Variants in TFCP2L1 observed in about 807,000 individuals in gnomAD.
The protein encoded by TFCP2L1 is transcription factor CP2 like 1.
A neutral mutation model predicts 72.2 loss-of-function variants in TFCP2L1; 12 were observed. That is an observed-to-expected ratio of 0.17 (90% CI 0.11 to 0.27). The LOEUF is 0.27. Ranked by LOEUF, TFCP2L1 falls within the 10% of genes least tolerant of loss-of-function variation. The pLI, the probability that TFCP2L1 is intolerant of heterozygous loss-of-function variation, is 1.00. For synonymous variants in TFCP2L1, 260 were observed against 251.0 expected (o/e 1.04, Z -0.34); for missense variants, 488 against 624.6 (o/e 0.78, Z 2.33).
intron 11 of TFCP2L1, among the ~76,000 whole-genome samples, chr2:121,234,441 C>T (rs1686203749): frequency 6.6e-6 from 1 of 152,260 alleles, no homozygotes; most frequent in African/African-American, 2.4e-5. Flanking sequence ...AGAGCAAACA[C>T]TGTCTGTGGC....
chr2:121,225,836 G>A (rs1023056680), intron 13 of TFCP2L1, among the ~76,000 whole-genome samples: 2 of 147,724 alleles, frequency 1.4e-5, no homozygotes, highest in Non-Finnish European at 3.0e-5. Flanking sequence ...ACGGGAACAC[G>A]GTAAACACCA....
In TFCP2L1 at chr2:121,269,907, T is replaced by TCAAAAAAAAAAA. The variant is rs750107740; in HGVS notation, c.214+11212_214+11213insTTTTTTTTTTTG. ...CTGGGTGACAGAGCAAGACTCCATC[T>TCAAAAAAAAAAA]AAAAAAAAAAAATATATATATATAT... On this transcript the variant is annotated intron_variant, in intron 2 of 14. Transcript: ENST00000263707. Among the ~76,000 whole-genome samples the TCAAAAAAAAAAA allele has an allele frequency of 3.0e-3, 230 of 77,158 alleles. 2 individuals carry two copies. Among genetic ancestry groups the TCAAAAAAAAAAA allele is most frequent in the African/African-American group, 9.5e-3 (139 of 14,596 alleles). 50.6% of individuals were successfully genotyped at this position (77,158 alleles called of 152,430 possible).
At chr2:121,281,000 C>A in intron 2 of TFCP2L1, 120 bp downstream of exon 2, 2 of 1,313,488 alleles carry the variant, frequency 1.5e-6, no homozygotes, top group South Asian at 1.4e-5. Context: ...TTCTCTTTCC[C>A]GAGCCCGACC....
intron 2 of TFCP2L1, among the ~76,000 whole-genome samples, chr2:121,262,923 C>G (rs1379139431): frequency 6.6e-6 from 1 of 151,552 alleles, no homozygotes; most frequent in Admixed American, 6.6e-5. Context: ...TCTCTTTTTT[C>G]TATATTTTGT....
Position 121,239,532 on chromosome 2 carries a change from C to G in TFCP2L1, c.860+26G>C, listed in dbSNP as rs373005053. On this transcript the variant is annotated intron_variant, in intron 8 of 14. Transcript: ENST00000263707. The stretch of plus-strand genomic sequence containing the variant: ...GTACACCTGCCTTCATTTCAGGGAA[C>G]CCGAAGAAAGAGAGGTGGGACGTAC... 3.2e-5 allele frequency: 51 copies of G among 1,612,854 alleles called. No individual in the cohort carries two copies. The African/African-American group carries it at 5.6e-4, about 18-fold the overall frequency.
intron 6 of TFCP2L1, among the ~76,000 whole-genome samples, chr2:121,245,169 C>T (rs539743297): frequency 9.2e-5 from 14 of 152,162 alleles, no homozygotes; most frequent in South Asian, 2.1e-4. Context: ...GGGAGGTAGA[C>T]GAGGAGGTTG....
intron 7 of TFCP2L1, chr2:121,240,781 G>A (rs1686351653): frequency 1.0e-6 from 1 of 972,258 alleles, no homozygotes; most frequent in Non-Finnish European, 1.2e-6. Context: ...AAACTGGTCT[G>A]GCCTCTAATC....
At chr2:121,252,850 C>A (rs1686639331) in intron 2 of TFCP2L1, among the ~76,000 whole-genome samples, 1 of 152,162 alleles carries the variant, frequency 6.6e-6, no homozygotes, top group Non-Finnish European at 1.5e-5. Context: ...CCACCCTCAC[C>A]AAAGAATAAT....
At chr2:121,284,966 C>A in intron 1 of TFCP2L1, 82 bp downstream of exon 1, 1 of 1,254,254 alleles carries the variant, frequency 8.0e-7, no homozygotes, top group Non-Finnish European at 1.0e-6. Flanking sequence ...GCAGGGGCGC[C>A]CCCTCTCCGC....
rs1232036051 is a variant in TFCP2L1 at position 121,219,195 on chromosome 2, T to G, written c.*5146A>C. Reference sequence around the variant, plus strand: ...CTAAGGCCACCAGCTTCATCCACTCTCCAGGAGGTCACACAAGATCAAAAG... The same window carrying G: ...CTAAGGCCACCAGCTTCATCCACTCGCCAGGAGGTCACACAAGATCAAAAG... On this transcript the variant is annotated 3_prime_UTR_variant, in exon 15 of 15. Coordinates refer to ENST00000263707, the MANE Select transcript of TFCP2L1 (RefSeq NM_014553.3). The G allele has an allele frequency of 6.6e-6, 1 of 152,234 alleles. No homozygotes were observed. The highest frequency in any genetic ancestry group is 1.5e-5 in the Non-Finnish European group (1 of 68,136). The allele number at this position is 152,234 out of a possible 1,614,324, so 9.4% of individuals were successfully genotyped here. A position where few individuals can be genotyped will look rare whatever the true frequency, so the allele number is the denominator to read the frequency against.
At chr2:121,276,721 T>C (rs1687155510) in intron 2 of TFCP2L1, among the ~76,000 whole-genome samples, 1 of 150,546 alleles carries the variant, frequency 6.6e-6, no homozygotes, top group Non-Finnish European at 1.5e-5. Context: ...AGTCAGGCAA[T>C]AACTAGAAAA....
chr2:121,249,869 C>CTCTA (rs1686570034), intron 2 of TFCP2L1, among the ~76,000 whole-genome samples: 1 of 152,194 alleles, frequency 6.6e-6, no homozygotes, highest in Non-Finnish European at 1.5e-5. Context: ...GACAACACAC[C>CTCTA]GTGTGACCCT....
chr2:121,256,044 CT>C (rs1686713704), intron 2 of TFCP2L1, among the ~76,000 whole-genome samples: 1 of 152,128 alleles, frequency 6.6e-6, no homozygotes, highest in Non-Finnish European at 1.5e-5. Context: ...CCCGGCCCCC[CT>C]GAACTTCTTG....
intron 3 of TFCP2L1, 39 bp from the exon 4 acceptor site, chr2:121,249,126 G>C (rs1207851445): frequency 7.0e-7 from 1 of 1,436,318 alleles, no homozygotes; most frequent in African/African-American, 1.4e-5. Context: ...GTGACCGCGG[G>C]GGGCCAAGAG....
In TFCP2L1 at chr2:121,241,826, T is replaced by A. The variant is rs189886625; in HGVS notation, c.768+533A>T. On this transcript the variant is annotated intron_variant, in intron 7 of 14. Transcript: ENST00000263707. ...AGCTGGGTAAGGAACTAGAAAGCTGTAGGCATCAGGCACCAAGATAAGCTA... is the reference window on the plus strand; with the variant it reads ...AGCTGGGTAAGGAACTAGAAAGCTGAAGGCATCAGGCACCAAGATAAGCTA... Among the ~76,000 whole-genome samples the A allele has an allele frequency of 8.2e-3, 1,236 of 151,378 alleles. 20 individuals carry two copies. Among genetic ancestry groups the A allele is most frequent in the African/African-American group, 0.029 (1,180 of 40,798 alleles).
chr2:121,278,314 G>A (rs569351012), intron 2 of TFCP2L1, among the ~76,000 whole-genome samples: 148 of 150,292 alleles, frequency 9.8e-4, no homozygotes, highest in African/African-American at 3.5e-3. Context: ...GGGATTACAG[G>A]CGTGAGCCAC....
chr2:121,263,469 C>CAAAAAAA (rs10603088), intron 2 of TFCP2L1, among the ~76,000 whole-genome samples: 3 of 67,488 alleles, frequency 4.4e-5, no homozygotes, highest in African/African-American at 1.6e-4. Flanking sequence ...CTGTTTTTGG[C>CAAAAAAA]AAAAAAAAAA....
At chr2:121,250,394 A>G (rs1245244285) in intron 2 of TFCP2L1, among the ~76,000 whole-genome samples, 8 of 149,022 alleles carry the variant, frequency 5.4e-5, no homozygotes, top group South Asian at 2.1e-4. Context: ...ATGTATGTGT[A>G]TATATATATA....
chr2:121,231,975 G>A lies in TFCP2L1; in HGVS notation c.1199-7C>T, dbSNP rs774098298. On this transcript the variant is annotated splice_region_variant and splice_polypyrimidine_tract_variant and intron_variant, in intron 12 of 14. Coordinates refer to ENST00000263707, the MANE Select transcript of TFCP2L1 (RefSeq NM_014553.3). ...AGGAAGATGGCGTGGTACACTGGGGGAAGGAGGAGCAAGTGCTGCTTTCCA... is the reference window on the plus strand; with the variant it reads ...AGGAAGATGGCGTGGTACACTGGGGAAAGGAGGAGCAAGTGCTGCTTTCCA... 6.3e-6 allele frequency: 10 copies of A among 1,578,640 alleles called. No individual in the cohort carries two copies. Among genetic ancestry groups the A allele is most frequent in the East Asian group, 2.3e-5 (1 of 43,538 alleles).
Sources: gnomAD v4.1 joint callset for allele counts (sites outside exome capture counted in the v4.1 genomes callset) on GRCh38, gnomAD v4.1.1 for gene constraint, MANE v1.5 for transcripts, NCBI Gene and HGNC (gene_info 2026-07-23, HGNC 2026-07-21) for gene names.